Variants in MAPKAP1 observed in about 807,000 individuals in gnomAD.
MAPKAP1 encodes target of rapamycin complex 2 subunit MAPKAP1.
MAPKAP1 carries 20 observed loss-of-function variants against 65.7 expected under a neutral mutation model. That is an observed-to-expected ratio of 0.30 (90% CI 0.21 to 0.44). The LOEUF (loss-of-function observed/expected upper bound fraction) is 0.44, where lower values mean the gene tolerates loss of function less well. Among genes scored for constraint, MAPKAP1 ranks in the 20% least tolerant of loss-of-function variants. The pLI is 1.00. For synonymous variants in MAPKAP1, 222 were observed against 244.3 expected (o/e 0.91, Z 0.85); for missense variants, 423 against 648.0 (o/e 0.65, Z 3.77).
intron 7 of MAPKAP1, among the ~76,000 whole-genome samples, chr9:125,522,134 C>T (rs1829636262): frequency 6.6e-6 from 1 of 152,338 alleles, no homozygotes; most frequent in South Asian, 2.1e-4. Flanking sequence ...CAGGGTGGGA[C>T]AAAAGGCTAC....
chr9:125,476,682 G>A (rs1311244601), intron 9 of MAPKAP1, among the ~76,000 whole-genome samples: 2 of 152,094 alleles, frequency 1.3e-5, no homozygotes, highest in Non-Finnish European at 2.9e-5. Context: ...CTGTTACCGT[G>A]TTTCTTAAGT....
chr9:125,606,320 A>G (rs1428551717), intron 4 of MAPKAP1, among the ~76,000 whole-genome samples: 1 of 152,210 alleles, frequency 6.6e-6, no homozygotes, highest in Non-Finnish European at 1.5e-5. Context: ...ACATACCAAA[A>G]TATGCTCTAA....
At chr9:125,579,839 A>C (rs1335989962) in intron 5 of MAPKAP1, among the ~76,000 whole-genome samples, 4 of 152,250 alleles carry the variant, frequency 2.6e-5, no homozygotes, top group Admixed American at 6.5e-5. Flanking sequence ...GTATTACACC[A>C]AACAAACCTG....
intron 7 of MAPKAP1, among the ~76,000 whole-genome samples, chr9:125,513,481 C>T (rs974750269): frequency 6.6e-6 from 1 of 152,174 alleles, no homozygotes; most frequent in Non-Finnish European, 1.5e-5. Context: ...AGAGGAAAGG[C>T]TAGACTTGAG....
Position 125,557,911 on chromosome 9 carries a change from C to T in MAPKAP1, c.848+1722G>A, listed in dbSNP as rs7869002. Reference sequence around the variant, plus strand: ...TCACTTTGTCGCCCAGGCTGGAGTGCAATGGCGCGATCTCAGCTAACTGCT... The same window carrying T: ...TCACTTTGTCGCCCAGGCTGGAGTGTAATGGCGCGATCTCAGCTAACTGCT... On this transcript the variant is annotated intron_variant, in intron 6 of 11. Transcript: ENST00000265960. Among the ~76,000 whole-genome samples, 1,129 of 152,264 alleles carry T rather than the reference C, an allele frequency of 7.4e-3. 18 individuals are homozygous for T. The highest frequency in any genetic ancestry group is 0.025 in the African/African-American group (1,052 of 41,542).
chr9:125,660,340 G>C (rs1834147921), intron 3 of MAPKAP1, among the ~76,000 whole-genome samples: 1 of 152,080 alleles, frequency 6.6e-6, no homozygotes, highest in African/African-American at 2.4e-5. Context: ...TACTTGTCTG[G>C]GATGCTAGTT....
At chr9:125,474,173 G>A (rs867846460) in intron 9 of MAPKAP1, among the ~76,000 whole-genome samples, 3 of 152,172 alleles carry the variant, frequency 2.0e-5, no homozygotes, top group East Asian at 3.8e-4. Flanking sequence ...ATTGGAGGGC[G>A]AGAAGAATTC....
intron 5 of MAPKAP1, among the ~76,000 whole-genome samples, chr9:125,577,463 C>T (rs1247140774): frequency 1.4e-5 from 2 of 146,402 alleles, no homozygotes; most frequent in Non-Finnish European, 3.0e-5. Context: ...GCCCAGCCAG[C>T]CGCCCCGTCT....
At chr9:125,671,036 C>T (rs917963296) in intron 2 of MAPKAP1, among the ~76,000 whole-genome samples, 2 of 152,044 alleles carry the variant, frequency 1.3e-5, no homozygotes, top group Non-Finnish European at 2.9e-5. Flanking sequence ...CATTCAATTG[C>T]AATTAATAAA....
intron 3 of MAPKAP1, among the ~76,000 whole-genome samples, chr9:125,668,956 G>C (rs1834418446): frequency 6.6e-6 from 1 of 152,204 alleles, no homozygotes; most frequent in African/African-American, 2.4e-5. Context: ...AGCCAAGGCA[G>C]GTGGATCACT....
At chr9:125,491,549 G>A (rs1260318641) in intron 8 of MAPKAP1, among the ~76,000 whole-genome samples, 1 of 151,984 alleles carries the variant, frequency 6.6e-6, no homozygotes, top group Non-Finnish European at 1.5e-5. Flanking sequence ...GGCCAAGGCA[G>A]GTGAATTACT....
At chr9:125,459,390 G>A (rs1455661378) in intron 10 of MAPKAP1, among the ~76,000 whole-genome samples, 53 of 150,120 alleles carry the variant, frequency 3.5e-4, no homozygotes, top group Non-Finnish European at 6.2e-4. Context: ...AGGCAGAGAC[G>A]CTCCTCACTT....
intron 10 of MAPKAP1, among the ~76,000 whole-genome samples, chr9:125,450,708 T>C (rs997135832): frequency 1.3e-5 from 2 of 152,238 alleles, no homozygotes; most frequent in Non-Finnish European, 2.9e-5. Flanking sequence ...CAAGGTCTGA[T>C]GTCTTCTGGG....
At chr9:125,626,008 T>C (rs1490068352) in intron 4 of MAPKAP1, among the ~76,000 whole-genome samples, 1 of 152,168 alleles carries the variant, frequency 6.6e-6, no homozygotes, top group East Asian at 1.9e-4. Flanking sequence ...AAGCAAAATA[T>C]AAAAAGTCCA....
In MAPKAP1 at chr9:125,447,262, C is replaced by CG; in HGVS notation, c.1346-2665_1346-2664insC. 2.6e-6 allele frequency: 1 copy of CG among 389,218 alleles called. No homozygotes were observed. The highest frequency in any genetic ancestry group is 5.3e-6 in the Non-Finnish European group (1 of 189,260). 24.1% of individuals were successfully genotyped at this position (389,218 alleles called of 1,614,324 possible). On this transcript the variant is annotated intron_variant, in intron 10 of 11. Coordinates refer to ENST00000265960, the MANE Select transcript of MAPKAP1 (RefSeq NM_001006617.3). This position sits in a 1 kb window ranked among gnomAD's most constrained non-coding sequence, Gnocchi z 4.5. ...AGCAGGTGAGGAGGAGGAAGAGTCC[C>CG]AACATTCCCCCACTCTCCCTCAAGC...
intron 4 of MAPKAP1, among the ~76,000 whole-genome samples, chr9:125,618,968 C>CA (rs1832821358): frequency 6.6e-6 from 1 of 152,096 alleles, no homozygotes; most frequent in Non-Finnish European, 1.5e-5. Flanking sequence ...CCTATCTCTA[C>CA]AAAAATTTTT....
chr9:125,496,173 A>G (rs1297600016), intron 8 of MAPKAP1, among the ~76,000 whole-genome samples: 1 of 152,202 alleles, frequency 6.6e-6, no homozygotes, highest in Non-Finnish European at 1.5e-5. Context: ...TCCTGCCTTT[A>G]TAGTGCGAAC....
At chr9:125,448,189 T>C (rs1852793361) in intron 10 of MAPKAP1, among the ~76,000 whole-genome samples, 1 of 152,070 alleles carries the variant, frequency 6.6e-6, no homozygotes, top group Admixed American at 6.5e-5. Flanking sequence ...GCAGAAAGGA[T>C]ACTGAAAAGG....
chr9:125,649,972 C>T (rs1036062471), intron 4 of MAPKAP1, among the ~76,000 whole-genome samples: 1 of 152,096 alleles, frequency 6.6e-6, no homozygotes, highest in Non-Finnish European at 1.5e-5. Context: ...TCTTTCAGTG[C>T]TTCCTAACTC....
Sources: gnomAD v4.1 joint callset for allele counts (sites outside exome capture counted in the v4.1 genomes callset) on GRCh38, gnomAD v4.1.1 for gene constraint, Gnocchi (gnomAD v3.1) non-coding constraint, MANE v1.5 for transcripts, NCBI Gene and HGNC (gene_info 2026-07-23, HGNC 2026-07-21) for gene names.